XIRP2: variants seen among roughly 807,000 people sequenced by gnomAD.
XIRP2 encodes the protein xin actin-binding repeat-containing protein 2.
Under a neutral mutation model 277.0 loss-of-function variants are expected in XIRP2, and 236 were observed. That is an observed-to-expected ratio of 0.85 (90% confidence interval 0.77 to 0.95). XIRP2 has a LOEUF of 0.95. Ranked by LOEUF, XIRP2 falls within the 40% of genes least tolerant of loss-of-function variation. XIRP2 has a pLI of 0.00. For missense variants in XIRP2, 4,640 were observed against 4,157.5 expected, an observed-to-expected ratio of 1.12 and a Z score of -3.19; for synonymous variants, 1,490 against 1,416.5, an observed-to-expected ratio of 1.05 and a Z score of -1.17.
intron 2 of XIRP2, among the ~76,000 whole-genome samples, chr2:167,008,201 C>T (rs1365866198): frequency 3.3e-5 from 5 of 151,502 alleles, no homozygotes; most frequent in Non-Finnish European, 5.9e-5. Context: ...TTTATAGACC[C>T]AAGCTCTATC....
intron 2 of XIRP2, among the ~76,000 whole-genome samples, chr2:167,028,803 G>T (rs77181479): frequency 2.0e-5 from 3 of 151,520 alleles, no homozygotes; most frequent in South Asian, 4.2e-4. Context: ...TTGAGGACCC[G>T]CAAGAAAATT....
Position 166,948,651 on chromosome 2 carries a change from C to G in XIRP2, c.408+44761C>G, listed in dbSNP as rs1266117207. Among the ~76,000 whole-genome samples the G allele has an allele frequency of 2.0e-5, 3 of 152,160 alleles. No homozygotes were observed. The East Asian group carries it at 5.8e-4, about 29-fold the overall frequency. ...TATTTGCTCTAAGTTTTGTCTAACT[C>G]TAATATCTGTACAACTTTACTACTA... is the stretch of plus-strand genomic sequence containing the variant. On this transcript the variant is annotated intron_variant, in intron 2 of 10. Transcript: ENST00000409195.
Position 167,251,491 on chromosome 2 carries a change from G to C in XIRP2, c.10099G>C (p.Glu3367Gln). 2 of 1,613,510 alleles carry C rather than the reference G, an allele frequency of 1.2e-6. No homozygotes were observed. The highest frequency in any genetic ancestry group is 1.7e-6 in the Non-Finnish European group (2 of 1,179,642). ...KGETNHNIQQ[E>Q]SRTFCKEEFG... is the part of the protein sequence containing the mutation. Reference sequence around the variant, plus strand: ...AGAAACAAACCATAACATACAACAAGAAAGTCGTACATTTTGTAAGGAGGA... The same window carrying C: ...AGAAACAAACCATAACATACAACAACAAAGTCGTACATTTTGTAAGGAGGA... Residue 3367 changes from glutamate (E) to glutamine (Q), a missense_variant, in exon 9 of 11, where the codon GAA (glutamate) becomes CAA (glutamine). Physicochemically the swap from Glu to Gln is conservative, Grantham distance 29. Coordinates refer to ENST00000409195, the MANE Select transcript of XIRP2 (RefSeq NM_152381.6).
chr2:166,915,427 A>T (rs1360296479), intron 2 of XIRP2, among the ~76,000 whole-genome samples: 1 of 152,152 alleles, frequency 6.6e-6, no homozygotes, highest in Non-Finnish European at 1.5e-5. Context: ...TATGTGAAGA[A>T]TGTATACAGT....
intron 4 of XIRP2, among the ~76,000 whole-genome samples, chr2:167,217,470 G>C (rs766317047): frequency 1.3e-5 from 2 of 151,988 alleles, no homozygotes; most frequent in African/African-American, 2.4e-5. Flanking sequence ...CAGTAATGAA[G>C]ACAGACAGAT....
chr2:166,943,208 T>C (rs1274287340), intron 2 of XIRP2, among the ~76,000 whole-genome samples: 1 of 152,116 alleles, frequency 6.6e-6, no homozygotes, highest in African/African-American at 2.4e-5. Flanking sequence ...GGCCTAATAA[T>C]ATAATAGAAA....
At chr2:166,918,445 G>T (rs1684948441) in intron 2 of XIRP2, among the ~76,000 whole-genome samples, 1 of 151,950 alleles carries the variant, frequency 6.6e-6, no homozygotes, top group Non-Finnish European at 1.5e-5. Flanking sequence ...AAAAGAAAAT[G>T]ATAGAGTATG....
chr2:166,950,521 G>A (rs1685999113), intron 2 of XIRP2, among the ~76,000 whole-genome samples: 1 of 152,024 alleles, frequency 6.6e-6, no homozygotes, highest in Non-Finnish European at 1.5e-5. Context: ...GCCTTAATTA[G>A]TGGAAGCATA....
chr2:167,151,871 A>T (rs1295243361), intron 3 of XIRP2, among the ~76,000 whole-genome samples: 1 of 152,144 alleles, frequency 6.6e-6, no homozygotes, highest in African/African-American at 2.4e-5. Context: ...TGTATTTTTT[A>T]AAAATTCAAT....
intron 2 of XIRP2, among the ~76,000 whole-genome samples, chr2:167,019,721 A>G (rs928617932): frequency 6.6e-6 from 1 of 152,090 alleles, no homozygotes; most frequent in Non-Finnish European, 1.5e-5. Flanking sequence ...CTTAAAACAT[A>G]TTTTCATAAC....
At chr2:167,096,077 A>T (rs1395777132) in intron 2 of XIRP2, among the ~76,000 whole-genome samples, 1 of 134,112 alleles carries the variant, frequency 7.5e-6, no homozygotes, top group Non-Finnish European at 1.5e-5. Flanking sequence ...ATTTCACTGG[A>T]AGTCCCTCTT....
rs1244731974 is a variant in XIRP2, at chr2:167,247,283, T to C, written c.5891T>C (p.Ile1964Thr). 6.2e-7 allele frequency: 1 copy of C among 1,613,664 alleles called. No homozygotes were observed. Among genetic ancestry groups the C allele is most frequent in the Admixed American group, 1.7e-5 (1 of 59,950 alleles). ...TCCTCGGGAGAGCAGAAAACAGATATTCATCAGGTTGCTGTCCAGAGGAAC... is the reference window on the plus strand; with the variant it reads ...TCCTCGGGAGAGCAGAAAACAGATACTCATCAGGTTGCTGTCCAGAGGAAC... ...AGSSGEQKTD[I>T]HQVAVQRNKN... Residue 1964 changes from isoleucine (I) to threonine (T), a missense_variant, in exon 9 of 11, where the codon ATT (isoleucine) becomes ACT (threonine). Transcript: ENST00000409195.
intron 2 of XIRP2, among the ~76,000 whole-genome samples, chr2:167,050,224 G>A (rs1001151235): frequency 2.0e-5 from 3 of 152,128 alleles, no homozygotes; most frequent in Non-Finnish European, 2.9e-5. Context: ...TAAAGAAGCC[G>A]TTACCTTTCA....
chr2:166,998,471 A>G (rs1687282075), intron 2 of XIRP2, among the ~76,000 whole-genome samples: 1 of 151,982 alleles, frequency 6.6e-6, no homozygotes, highest in Non-Finnish European at 1.5e-5. Context: ...CCCTGTCTCT[A>G]CTAAAAATAC....
chr2:166,968,435 A>T (rs1686486046), intron 2 of XIRP2, among the ~76,000 whole-genome samples: 1 of 152,046 alleles, frequency 6.6e-6, no homozygotes. Context: ...TTAAAAATTT[A>T]AAATACAGAA....
chr2:166,966,955 T>A (rs1454743296), intron 2 of XIRP2, among the ~76,000 whole-genome samples: 3 of 151,954 alleles, frequency 2.0e-5, no homozygotes, highest in Non-Finnish European at 2.9e-5. Context: ...CTGAACCTGA[T>A]TTTGCTTTTG....
chr2:167,020,836 C>A (rs1687963106), intron 2 of XIRP2, among the ~76,000 whole-genome samples: 1 of 151,964 alleles, frequency 6.6e-6, no homozygotes, highest in Non-Finnish European at 1.5e-5. Context: ...CTCCTCTGAT[C>A]AAAGGAGTAA....
At chr2:167,112,654 T>C (rs147375275) in intron 2 of XIRP2, among the ~76,000 whole-genome samples, 2 of 150,952 alleles carry the variant, frequency 1.3e-5, no homozygotes, top group East Asian at 1.9e-4. Context: ...GAGAGATTTT[T>C]TATATATGTA....
At chr2:167,186,001 G>T (rs68108130) in intron 3 of XIRP2, among the ~76,000 whole-genome samples, 38,088 of 152,026 alleles carry the variant, frequency 0.25, 5,871 homozygotes, top group African/African-American at 0.44. Flanking sequence ...TATTGTCCAA[G>T]AGACCTTTCT....
Sources: gnomAD v4.1 joint callset for allele counts (sites outside exome capture counted in the v4.1 genomes callset) on GRCh38, gnomAD v4.1.1 for gene constraint, MANE v1.5 for transcripts, NCBI Gene and HGNC (gene_info 2026-07-23, HGNC 2026-07-21) for gene names.